AGMO: variants seen among roughly 807,000 people sequenced by gnomAD.
AGMO encodes glyceryl-ether monooxygenase.
Under a neutral mutation model 60.2 loss-of-function variants are expected in AGMO, and 75 were observed. The observed-to-expected ratio is 1.25, with a 90% CI of 1.03 to 1.51. The LOEUF is 1.51. AGMO is among the 40% of genes most tolerant of loss of function. AGMO has a pLI of 0.00. For synonymous variants in AGMO, 261 were observed against 177.1 expected, an observed-to-expected ratio of 1.47 and a Z score of -3.76; for missense variants, 763 against 525.5, an observed-to-expected ratio of 1.45 and a Z score of -4.42.
Position 15,387,430 on chromosome 7 carries a change from A to T in AGMO, c.933T>A (p.Leu311=), listed in dbSNP as rs558541340. The change falls in exon 9 of 13, where the codon CTT becomes CTA. Residue 311 remains leucine, a synonymous_variant. Coordinates refer to ENST00000342526, the MANE Select transcript of AGMO (RefSeq NM_001004320.2). ...CCTCTGGAATTTCTTCACTGAGACC[A>T]AGTCTTGGTTTACCTGGACCCCATC... ...GPGWGPGKPR[L]GLSEEIPEVT... is the part of the protein sequence containing the mutation. 6.8e-6 allele frequency: 11 copies of T among 1,613,642 alleles called. No individual in the cohort carries two copies. The East Asian group carries it at 2.2e-4, about 33-fold the overall frequency.
At chr7:15,434,381 G>A (rs1436060501) in intron 3 of AGMO, among the ~76,000 whole-genome samples, 2 of 152,034 alleles carry the variant, frequency 1.3e-5, no homozygotes, top group Non-Finnish European at 2.9e-5. Flanking sequence ...CTTTCTTCTA[G>A]TAAACAGAAA....
intron 3 of AGMO, among the ~76,000 whole-genome samples, chr7:15,455,668 T>C (rs1781983029): frequency 6.6e-6 from 1 of 152,132 alleles, no homozygotes; most frequent in Non-Finnish European, 1.5e-5. Flanking sequence ...TGATAGTTTA[T>C]TTAAGTATAT....
chr7:15,309,654 T>C (rs886205036), intron 12 of AGMO, among the ~76,000 whole-genome samples: 7 of 152,272 alleles, frequency 4.6e-5, no homozygotes, highest in Admixed American at 4.6e-4. Flanking sequence ...TGCATATATA[T>C]GTATGTGTAG....
chr7:15,171,480 T>C, the AGMO span, among the ~76,000 whole-genome samples: 1 of 152,200 alleles, frequency 6.6e-6, no homozygotes, highest in African/African-American at 2.4e-5. Flanking sequence ...GTCACTGTGT[T>C]TGGTCTAGAT....
chr7:15,326,022 T>C (rs917191209), intron 12 of AGMO, among the ~76,000 whole-genome samples: 3 of 152,134 alleles, frequency 2.0e-5, no homozygotes, highest in Non-Finnish European at 4.4e-5. Context: ...CCAAGTTTTA[T>C]AAAGCAGAGG....
rs150281590 is a variant in AGMO, at chr7:15,217,980, TTAAA to T, written c.1264-16625_1264-16622del. ...TGTGTGTCCTGGGGGTTTGGTGCTATTAAATAAAACTAAATGACAACGAATATAC... is the reference window on the plus strand; with the variant it reads ...TGTGTGTCCTGGGGGTTTGGTGCTATTAAAACTAAATGACAACGAATATAC... On this transcript the variant is annotated intron_variant, in intron 12 of 12. Coordinates refer to ENST00000342526, the MANE Select transcript of AGMO (RefSeq NM_001004320.2). 3.5e-3 allele frequency among the ~76,000 whole-genome samples: 535 copies of T among 152,142 alleles called. 5 individuals carry two copies. Among genetic ancestry groups the T allele is most frequent in the African/African-American group, 0.012 (508 of 41,526 alleles).
At chr7:15,529,059 A>G (rs1784205018) in intron 3 of AGMO, among the ~76,000 whole-genome samples, 1 of 152,168 alleles carries the variant, frequency 6.6e-6, no homozygotes, top group African/African-American at 2.4e-5. Flanking sequence ...TTGTGGATAA[A>G]CATTGATTTG....
At chr7:15,428,348 C>T (rs1583541675) in intron 4 of AGMO, among the ~76,000 whole-genome samples, 1 of 152,118 alleles carries the variant, frequency 6.6e-6, no homozygotes, top group Non-Finnish European at 1.5e-5. Flanking sequence ...ATGCAAGTTC[C>T]CGCAGTCCCC....
At chr7:15,358,511 G>A (rs1281806999) in intron 12 of AGMO, 1 of 458,176 alleles carries the variant, frequency 2.2e-6, no homozygotes, top group Non-Finnish European at 4.5e-6. Context: ...CTGTGAATTA[G>A]GAGGGTAAGA....
intron 12 of AGMO, among the ~76,000 whole-genome samples, chr7:15,323,185 T>A (rs1048197845): frequency 6.6e-6 from 1 of 152,032 alleles, no homozygotes; most frequent in Non-Finnish European, 1.5e-5. Context: ...AATGATCTTG[T>A]TTCTCACAGT....
Position 15,509,384 on chromosome 7 carries a change from A to T in AGMO, c.409+35388T>A, listed in dbSNP as rs78580771. On this transcript the variant is annotated intron_variant, in intron 3 of 12. Transcript: ENST00000342526. ...TAGACCCACATGCAAAAAAAAAAATAAAAATGAAACTGGACAATTATCTTA... is the reference window on the plus strand; with the variant it reads ...TAGACCCACATGCAAAAAAAAAAATTAAAATGAAACTGGACAATTATCTTA... Among the ~76,000 whole-genome samples, 16 of 145,768 alleles carry T rather than the reference A, an allele frequency of 1.1e-4. No individual in the cohort carries two copies. The South Asian group carries it at 2.1e-3, about 19-fold the overall frequency.
chr7:15,561,595 G>T, intron 1 of AGMO, 125 bp downstream of exon 1: 1 of 1,012,858 alleles, frequency 9.9e-7, no homozygotes, highest in Non-Finnish European at 1.3e-6. Flanking sequence ...TTAAGAAACT[G>T]AATTATTATT....
intron 12 of AGMO, among the ~76,000 whole-genome samples, chr7:15,249,194 G>A (rs1319425103): frequency 6.6e-6 from 1 of 151,948 alleles, no homozygotes; most frequent in Non-Finnish European, 1.5e-5. Context: ...GCTGAATAAT[G>A]GCTGCTGAAT....
At chr7:15,357,701 C>T (rs561355613) in intron 12 of AGMO, among the ~76,000 whole-genome samples, 45 of 152,268 alleles carry the variant, frequency 3.0e-4, no homozygotes, top group African/African-American at 9.6e-4. Flanking sequence ...AGAGGCTATG[C>T]GGACAGAAAA....
At chr7:15,338,100 C>A (rs968586755) in intron 12 of AGMO, among the ~76,000 whole-genome samples, 1 of 152,084 alleles carries the variant, frequency 6.6e-6, no homozygotes, top group Non-Finnish European at 1.5e-5. Context: ...TAATTTTTAG[C>A]ATCTAGAAAC....
chr7:15,416,130 T>A (rs1429121574), intron 5 of AGMO, among the ~76,000 whole-genome samples: 1 of 149,312 alleles, frequency 6.7e-6, no homozygotes, highest in Non-Finnish European at 1.5e-5. Context: ...GCCTCCCAGG[T>A]TCAAGCAATT....
chr7:15,117,331 C>T, the AGMO span, among the ~76,000 whole-genome samples: 9 of 151,862 alleles, frequency 5.9e-5, no homozygotes, highest in South Asian at 1.7e-3. Context: ...ATCATGTAAC[C>T]GATGTAATGG....
chr7:15,463,185 T>C (rs954164897), intron 3 of AGMO, among the ~76,000 whole-genome samples: 1 of 152,158 alleles, frequency 6.6e-6, no homozygotes, highest in Non-Finnish European at 1.5e-5. Context: ...ATACAGAAAG[T>C]ATTTATAAGA....
intron 10 of AGMO, among the ~76,000 whole-genome samples, chr7:15,385,201 A>T (rs942809986): frequency 1.3e-4 from 20 of 152,200 alleles, no homozygotes; most frequent in Non-Finnish European, 2.8e-4. Context: ...TTTCTTATTT[A>T]TCACACAGAT....
Sources: gnomAD v4.1 joint callset for allele counts (sites outside exome capture counted in the v4.1 genomes callset) on GRCh38, gnomAD v4.1.1 for gene constraint, MANE v1.5 for transcripts, NCBI Gene and HGNC (gene_info 2026-07-23, HGNC 2026-07-21) for gene names.